NLRC5: variants seen among roughly 807,000 people sequenced by gnomAD.
NLRC5 encodes NLR family CARD domain containing 5.
In NLRC5, 114 loss-of-function variants were observed where a neutral mutation model predicts 206.9. The observed-to-expected ratio is 0.55, with a 90% CI of 0.47 to 0.64. NLRC5 has a LOEUF of 0.64. Among genes scored for constraint, NLRC5 ranks in the 30% least tolerant of loss-of-function variants. The pLI is 0.00. For missense variants in NLRC5, 2,008 were observed against 2,305.5 expected (o/e 0.87, Z 2.64); for synonymous variants, 952 against 962.8 (o/e 0.99, Z 0.21).
intron 1 of NLRC5, among the ~76,000 whole-genome samples, chr16:57,009,119 C>T (rs895139887): frequency 5.9e-5 from 9 of 151,582 alleles, no homozygotes; most frequent in South Asian, 2.1e-4. Context: ...GGTGAAACCC[C>T]GTCTCTACCA....
intron 11 of NLRC5, among the ~76,000 whole-genome samples, chr16:57,032,119 G>A (rs948725305): frequency 4.6e-5 from 7 of 151,986 alleles, no homozygotes; most frequent in African/African-American, 1.7e-4. Context: ...GGTAGTGTAG[G>A]ACCAATGTTG....
At position 57,025,593 on chromosome 16, in the gene NLRC5, T is replaced by C; in HGVS notation, c.650T>C (p.Val217Ala). Residue 217 changes from valine to alanine, a missense_variant, in exon 6 of 49, where the codon GTT becomes GCT. Physicochemically the swap from Val to Ala is moderately conservative, Grantham distance 64 (BLOSUM62 0). Transcript: ENST00000688547. ...ATCTCGGACCTCTTCAACACCAGGGTTAACAAGGGCCCGAGGGTGACCGTG... is the reference window on the plus strand; with the variant it reads ...ATCTCGGACCTCTTCAACACCAGGGCTAACAAGGGCCCGAGGGTGACCGTG... ...VSISDLFNTR[V>A]NKGPRVTVLL... The C allele has an allele frequency of 1.2e-6, 2 of 1,614,112 alleles. No homozygotes were observed. The highest frequency in any genetic ancestry group is 3.3e-5 in the Admixed American group (2 of 60,028).
intron 29 of NLRC5, 68 bp from the exon 30 acceptor site, chr16:57,059,399 G>A: frequency 5.2e-6 from 8 of 1,551,650 alleles, no homozygotes; most frequent in Non-Finnish European, 7.0e-6. Context: ...GTGCCCTGTG[G>A]GTGCCCTAGG....
In NLRC5 at chr16:57,077,310, A is replaced by C. The variant is rs1473854515; in HGVS notation, c.4850A>C (p.Gln1617Pro). 1 of 1,614,102 alleles carries C rather than the reference A, an allele frequency of 6.2e-7. No homozygotes were observed. Among genetic ancestry groups the C allele is most frequent in the Non-Finnish European group, 8.5e-7 (1 of 1,179,982 alleles). The change falls in exon 41 of 49, where the codon CAG becomes CCG. Residue 1617 changes from glutamine (Q) to proline (P), a missense_variant. Gln to Pro is a moderately conservative substitution (Grantham distance 76). Transcript: ENST00000688547. ...SLEELDLSHN[Q>P]IGDAGVQHLA... is the part of the protein sequence containing the mutation. Reference sequence around the variant, plus strand: ...TCTCCCCCAAGCTTGAGCCACAACCAGATTGGAGACGCTGGTGTCCAGCAC... The same window carrying C: ...TCTCCCCCAAGCTTGAGCCACAACCCGATTGGAGACGCTGGTGTCCAGCAC...
chr16:57,030,962 T>C (rs932977041), intron 10 of NLRC5, among the ~76,000 whole-genome samples: 10 of 152,012 alleles, frequency 6.6e-5, no homozygotes, highest in African/African-American at 2.4e-4. Flanking sequence ...TAATGGGGCA[T>C]GGTGGTGCAT....
intron 40 of NLRC5, 95 bp downstream of exon 40, chr16:57,076,997 A>G: frequency 2.8e-6 from 3 of 1,084,982 alleles, no homozygotes; most frequent in Non-Finnish European, 4.2e-6. Context: ...TTGCTTCTTC[A>G]TCTCATCTCC....
chr16:57,077,036 C>T, intron 40 of NLRC5, 134 bp downstream of exon 40: 1 of 819,584 alleles, frequency 1.2e-6, no homozygotes, highest in East Asian at 2.7e-5. Context: ...GTGTAAACAA[C>T]CTGGGGCCTA....
At chr16:57,003,050 T>TTTGC (rs1181008017) in intron 1 of NLRC5, among the ~76,000 whole-genome samples, 9 of 145,430 alleles carry the variant, frequency 6.2e-5, no homozygotes, top group African/African-American at 9.9e-5. Context: ...GATTGAGGTG[T>TTTGC]TTGTTTGTTT....
intron 23 of NLRC5, 97 bp from the exon 24 acceptor site, chr16:57,051,441 G>A: frequency 1.2e-6 from 1 of 847,200 alleles, no homozygotes; most frequent in East Asian, 2.4e-5. Context: ...AGGTGACCCT[G>A]GTTAGGTCCC....
intron 12 of NLRC5, 39 bp downstream of exon 12, chr16:57,033,708 G>A (rs2062147279): frequency 6.3e-7 from 1 of 1,585,430 alleles, no homozygotes. Flanking sequence ...AGAGGGATAT[G>A]ATATGGGGGA....
chr16:57,040,685 C>T lies in NLRC5; in HGVS notation c.2906C>T (p.Pro969Leu). 6.2e-7 allele frequency: 1 copy of T among 1,614,162 alleles called. No individual in the cohort carries two copies. The highest frequency in any genetic ancestry group is 8.5e-7 in the Non-Finnish European group (1 of 1,180,006). ...AFLDSLMLQMPSELPLSSRRM... is the reference protein window; with the variant it reads ...AFLDSLMLQMLSELPLSSRRM... ...CTTGACAGCCTCATGCTCCAGATGC[C>T]CTCTGAGCTGCCTCTGAGCTCCCGA... Residue 969 changes from proline (P) to leucine (L), a missense_variant, in exon 17 of 49, where the codon CCC (proline) becomes CTC (leucine). Pro to Leu is a moderately conservative substitution (Grantham distance 98). Transcript: ENST00000688547.
chr16:57,014,812 C>A (rs2059861301), intron 1 of NLRC5, among the ~76,000 whole-genome samples: 1 of 152,212 alleles, frequency 6.6e-6, no homozygotes, highest in South Asian at 2.1e-4. Flanking sequence ...AGCCAGCAGG[C>A]CTGGTGTCTG....
At chr16:57,064,722 A>C (rs1292070149) in intron 32 of NLRC5, among the ~76,000 whole-genome samples, 1 of 152,112 alleles carries the variant, frequency 6.6e-6, no homozygotes, top group Non-Finnish European at 1.5e-5. Flanking sequence ...TCAGGAGTTC[A>C]AGACCAGCCT....
At chr16:57,038,952 A>T (rs2062944427) in intron 15 of NLRC5, among the ~76,000 whole-genome samples, 1 of 151,926 alleles carries the variant, frequency 6.6e-6, no homozygotes, top group Non-Finnish European at 1.5e-5. Flanking sequence ...AAAAAAAAAA[A>T]AAAAAAGAGA....
At chr16:57,053,754 C>G (rs2065236381) in intron 24 of NLRC5, among the ~76,000 whole-genome samples, 1 of 152,154 alleles carries the variant, frequency 6.6e-6, no homozygotes, top group Non-Finnish European at 1.5e-5. Flanking sequence ...GTCTCAAACT[C>G]CCGACCTCAA....
intron 32 of NLRC5, 25 bp from the exon 33 acceptor site, chr16:57,065,186 CT>C: frequency 3.4e-6 from 5 of 1,468,234 alleles, no homozygotes; most frequent in South Asian, 1.4e-5. Context: ...TTGGGGGGGC[CT>C]TATCTGTGTC....
chr16:57,009,106 C>T (rs1055072191), intron 1 of NLRC5, among the ~76,000 whole-genome samples: 5 of 151,826 alleles, frequency 3.3e-5, no homozygotes, highest in African/African-American at 9.7e-5. Flanking sequence ...GCCTGGCCAA[C>T]ATGGTGAAAC....
rs375775465 is a variant in NLRC5, at chr16:57,046,664, T to G, written c.3338+23T>G. 12 of 1,603,742 alleles carry G rather than the reference T, an allele frequency of 7.5e-6. No individual in the cohort carries two copies. The African/African-American group carries it at 1.5e-4, about 20-fold the overall frequency. Reference sequence around the variant, plus strand: ...CTGGTACTGTCCCAGCCCTTCTTGTTTGGGGGTAACCATAATAGGGATGAG... The same window carrying G: ...CTGGTACTGTCCCAGCCCTTCTTGTGTGGGGGTAACCATAATAGGGATGAG... On this transcript the variant is annotated intron_variant, in intron 22 of 48. Coordinates refer to ENST00000688547, the MANE Select transcript of NLRC5 (RefSeq NM_001384950.1).
At chr16:57,036,398 A>G (rs2062582994) in intron 14 of NLRC5, among the ~76,000 whole-genome samples, 1 of 152,176 alleles carries the variant, frequency 6.6e-6, no homozygotes, top group South Asian at 2.1e-4. Flanking sequence ...ACATGTGTAA[A>G]ATGCGTTCAT....
Sources: gnomAD v4.1 joint callset for allele counts (sites outside exome capture counted in the v4.1 genomes callset) on GRCh38, gnomAD v4.1.1 for gene constraint, MANE v1.5 for transcripts, NCBI Gene and HGNC (gene_info 2026-07-23, HGNC 2026-07-21) for gene names.